The following LYSMD2 variants were observed in gnomAD, a reference collection of about 807,000 sequenced individuals.
LYSMD2 encodes the protein LysM domain containing 2, also known as lysM and putative peptidoglycan-binding domain-containing protein 2.
LYSMD2 carries 6 observed loss-of-function variants against 17.7 expected under a neutral mutation model. That is an observed-to-expected ratio of 0.34 (90% CI 0.19 to 0.67). The LOEUF is 0.67. LYSMD2 is among the 30% of genes least tolerant of loss of function. LYSMD2 has a pLI of 0.69. For synonymous variants in LYSMD2, 102 were observed against 129.8 expected, an observed-to-expected ratio of 0.79 and a Z score of 1.45; for missense variants, 237 against 286.7, an observed-to-expected ratio of 0.83 and a Z score of 1.25.
chr15:51,737,440 C>T lies in LYSMD2; in HGVS notation c.183G>A (p.Pro61=). 7.0e-7 allele frequency: 1 copy of T among 1,431,506 alleles called. No individual in the cohort carries two copies. The highest frequency in any genetic ancestry group is 9.1e-7 in the Non-Finnish European group (1 of 1,096,162). 88.7% of individuals were successfully genotyped at this position (1,431,506 alleles called of 1,614,324 possible). A position where few individuals can be genotyped will look rare whatever the true frequency, so the allele number is the denominator to read the frequency against. The change falls in exon 1 of 3, where the codon CCG becomes CCA. Residue 61 remains proline (P), a synonymous_variant. Transcript: ENST00000267838. The surrounding 1 kb of genome is among the most constrained non-coding windows in gnomAD (Gnocchi z 4.2). ...GGCGCTCGATGACGCCGGCGCCCAG[C>T]GGCGCCCGCACGCTGGCGGTGCTGC... is the stretch of plus-strand genomic sequence containing the variant. The part of the protein sequence containing the change: ...SYGSTASVRA[P]LGAGVIERHV...
At chr15:51,739,248 G>A (rs1034375825), upstream of LYSMD2, among the ~76,000 whole-genome samples, 4 of 152,080 alleles carry the variant, frequency 2.6e-5, no homozygotes, top group African/African-American at 9.7e-5. Flanking sequence ...GCATGAGCTT[G>A]TCTTATCTCC....
At chr15:51,743,401 G>T (rs1285500755) in intron 1 of LYSMD2, among the ~76,000 whole-genome samples, 1 of 152,190 alleles carries the variant, frequency 6.6e-6, no homozygotes, top group African/African-American at 2.4e-5. Flanking sequence ...TCTCTATTAA[G>T]TTGTCTCTGC....
At chr15:51,745,352 C>A (rs2055662096) in intron 1 of LYSMD2, among the ~76,000 whole-genome samples, 1 of 151,964 alleles carries the variant, frequency 6.6e-6, no homozygotes, top group African/African-American at 2.4e-5. Context: ...AAATTCTCAA[C>A]AAAATACTAG....
At chr15:51,741,820 T>G (rs2055644235), upstream of LYSMD2, among the ~76,000 whole-genome samples, 2 of 151,908 alleles carry the variant, frequency 1.3e-5, no homozygotes, top group Admixed American at 6.6e-5. Flanking sequence ...CTTGGGAGGC[T>G]GAGGCAGAAG....
chr15:51,737,660 AG>A, upstream of LYSMD2: 2 of 1,199,724 alleles, frequency 1.7e-6, no homozygotes, highest in East Asian at 3.5e-5. This position sits in a 1 kb window ranked among gnomAD's most constrained non-coding sequence, Gnocchi z 4.2. Flanking sequence ...GAGCTTGCCA[AG>A]GGGGCGGCGC....
At position 51,737,388 on chromosome 15, in the gene LYSMD2, C is replaced by T. The variant is rs1229429763; in HGVS notation, c.235G>A (p.Asp79Asn). The T allele has an allele frequency of 6.9e-7, 1 of 1,457,346 alleles. No homozygotes were observed. Among genetic ancestry groups the T allele is most frequent in the Non-Finnish European group, 9.0e-7 (1 of 1,110,224 alleles). 90.3% of individuals were successfully genotyped at this position (1,457,346 alleles called of 1,614,324 possible). The change falls in exon 1 of 3, where the codon GAC becomes AAC. Residue 79 changes from aspartate to asparagine, a missense_variant. Asp to Asn is a conservative substitution (Grantham distance 23). Coordinates refer to ENST00000267838, the MANE Select transcript of LYSMD2 (RefSeq NM_153374.3). The surrounding 1 kb of genome is among the most constrained non-coding windows in gnomAD (Gnocchi z 4.2). ...RHVEHRVRAG[D>N]TLQGIALKYG... ...TTGAGCGCGATGCCCTGCAGCGTGT[C>T]GCCCGCGCGGACCCGGTGCTCCACA...
intron 1 of LYSMD2, 85 bp from the exon 2 acceptor site, chr15:51,725,206 T>C (rs1340916967): frequency 1.2e-6 from 1 of 830,714 alleles, no homozygotes; most frequent in Non-Finnish European, 1.9e-6. Context: ...CTACCAATAT[T>C]CATAAGCAAA....
At chr15:51,741,013 G>C (rs1046958173), upstream of LYSMD2, among the ~76,000 whole-genome samples, 1 of 152,142 alleles carries the variant, frequency 6.6e-6, no homozygotes, top group Non-Finnish European at 1.5e-5. Flanking sequence ...AATCTCTATA[G>C]CATTCTTCAA....
At chr15:51,735,689 A>G (rs1345603529) in intron 1 of LYSMD2, among the ~76,000 whole-genome samples, 2 of 152,256 alleles carry the variant, frequency 1.3e-5, no homozygotes, top group Non-Finnish European at 2.9e-5. Flanking sequence ...TAGGATCTAT[A>G]TTAGACATAA....
chr15:51,734,755 T>C (rs1026396142), intron 1 of LYSMD2, among the ~76,000 whole-genome samples: 9 of 152,392 alleles, frequency 5.9e-5, no homozygotes, highest in South Asian at 2.1e-4. Flanking sequence ...ATGTTGTAGA[T>C]GGTCTTGCCA....
chr15:51,743,124 C>T (rs1349355764), intron 1 of LYSMD2, among the ~76,000 whole-genome samples: 3 of 152,112 alleles, frequency 2.0e-5, no homozygotes, highest in Non-Finnish European at 4.4e-5. Flanking sequence ...TTTACATTTA[C>T]TTCTGTGATC....
At position 51,724,925 on chromosome 15, in the gene LYSMD2, G is replaced by A. The variant is rs147955577; in HGVS notation, c.470C>T (p.Pro157Leu). The change falls in exon 2 of 3, where the codon CCT becomes CTT. Residue 157 changes from proline to leucine, a missense_variant. Physicochemically the swap from Pro to Leu is moderately conservative, Grantham distance 98. Transcript: ENST00000267838. ...EEPVVAGEDLPPPSPQESDVQ... is the reference protein window; with the variant it reads ...EEPVVAGEDLLPPSPQESDVQ... The stretch of plus-strand genomic sequence containing the variant: ...ATCAGATTCTTGAGGACTGGGAGGA[G>A]GGAGGTCTTCCCCGGCCACCACTGG... The A allele has an allele frequency of 1.3e-4, 204 of 1,613,950 alleles. No individual in the cohort carries two copies. Among genetic ancestry groups the A allele is most frequent in the Non-Finnish European group, 1.7e-4 (196 of 1,179,966 alleles).
chr15:51,750,087 T>C (rs1194659187), intron 1 of LYSMD2, among the ~76,000 whole-genome samples: 1 of 152,180 alleles, frequency 6.6e-6, no homozygotes, highest in African/African-American at 2.4e-5. Flanking sequence ...TATTTTGCAA[T>C]GTGCAAAAGG....
At chr15:51,730,833 A>G (rs2055571817) in intron 1 of LYSMD2, among the ~76,000 whole-genome samples, 2 of 152,220 alleles carry the variant, frequency 1.3e-5, no homozygotes, top group African/African-American at 4.8e-5. Flanking sequence ...TTATTAGTTT[A>G]CAGAAAACAG....
At chr15:51,732,575 G>A (rs563763554) in intron 1 of LYSMD2, among the ~76,000 whole-genome samples, 1 of 152,304 alleles carries the variant, frequency 6.6e-6, no homozygotes, top group Admixed American at 6.5e-5. Context: ...AAAGGTGATG[G>A]TAGGAAAGAG....
chr15:51,732,547 A>G lies in LYSMD2; in HGVS notation c.273+4803T>C, dbSNP rs544285780. On this transcript the variant is annotated intron_variant, in intron 1 of 2. Coordinates refer to ENST00000267838, the MANE Select transcript of LYSMD2 (RefSeq NM_153374.3). ...AGAAAATAATGAATGCCAGTTTTTA[A>G]TGGCTATTAATGGCTAAAAAGGTGA... Among the ~76,000 whole-genome samples the G allele has an allele frequency of 4.6e-5, 7 of 152,326 alleles. No individual in the cohort carries two copies. The South Asian group carries it at 1.2e-3, about 27-fold the overall frequency.
At chr15:51,731,088 G>C (rs560018273) in intron 1 of LYSMD2, among the ~76,000 whole-genome samples, 169 of 152,322 alleles carry the variant, frequency 1.1e-3, no homozygotes, top group African/African-American at 3.6e-3. Context: ...AGGAAACAAA[G>C]AGTGAGAGGA....
At chr15:51,728,229 T>A (rs1242755891) in intron 1 of LYSMD2, among the ~76,000 whole-genome samples, 1 of 151,546 alleles carries the variant, frequency 6.6e-6, no homozygotes, top group African/African-American at 2.4e-5. Context: ...CTGACCAACA[T>A]AGCAAAACCT....
chr15:51,737,895 C>T (rs1407751034), upstream of LYSMD2: 2 of 247,306 alleles, frequency 8.1e-6, no homozygotes, highest in African/African-American at 4.5e-5. This position sits in a 1 kb window ranked among gnomAD's most constrained non-coding sequence, Gnocchi z 4.2. Flanking sequence ...ACCGGGAAGA[C>T]CCTGCAGAGC....
Sources: allele counts gnomAD v4.1 joint callset (sites outside exome capture counted in the v4.1 genomes callset), GRCh38; gene constraint gnomAD v4.1.1; non-coding constraint Gnocchi (gnomAD v3.1); transcripts MANE v1.5; gene names NCBI Gene and HGNC (gene_info 2026-07-23, HGNC 2026-07-21).